Variants in TCF12 observed in about 807,000 individuals in gnomAD.
TCF12 encodes the protein DNA-binding protein HTF4.
Under a neutral mutation model 86.0 loss-of-function variants are expected in TCF12, and 45 were observed. The observed-to-expected ratio is 0.52, with a 90% confidence interval of 0.41 to 0.67. The LOEUF is 0.67. Ranked by LOEUF, TCF12 falls within the 30% of genes least tolerant of loss-of-function variation. The pLI is 0.00. For missense variants in TCF12, 881 were observed against 859.9 expected, an observed-to-expected ratio of 1.02 and a Z score of -0.31; for synonymous variants, 330 against 299.6, an observed-to-expected ratio of 1.10 and a Z score of -1.05.
At chr15:56,972,912 C>T (rs1267397636) in intron 3 of TCF12, among the ~76,000 whole-genome samples, 1 of 152,076 alleles carries the variant, frequency 6.6e-6, no homozygotes, top group Non-Finnish European at 1.5e-5. Flanking sequence ...GGACTGAAGA[C>T]AAAAGTAACT....
chr15:57,266,200 C>G (rs1230587347), intron 18 of TCF12, among the ~76,000 whole-genome samples: 1 of 151,956 alleles, frequency 6.6e-6, no homozygotes, highest in Admixed American at 6.6e-5. Context: ...GCCTCAGCCT[C>G]CCAAGTAGCT....
intron 3 of TCF12, among the ~76,000 whole-genome samples, chr15:57,052,087 T>C (rs551307050): frequency 6.6e-6 from 1 of 152,356 alleles, no homozygotes; most frequent in South Asian, 2.1e-4. Context: ...AGACGTTAAT[T>C]ATGAGAGTTC....
At chr15:57,222,824 A>G (rs1030821693) in intron 8 of TCF12, among the ~76,000 whole-genome samples, 1 of 68,994 alleles carries the variant, frequency 1.4e-5, no homozygotes, top group Non-Finnish European at 2.6e-5. Flanking sequence ...GCCTTACTCC[A>G]TTTTTCTGAC....
chr15:57,188,887 C>T (rs1326197246), intron 6 of TCF12, among the ~76,000 whole-genome samples: 6 of 152,200 alleles, frequency 3.9e-5, no homozygotes, highest in South Asian at 4.1e-4. Flanking sequence ...TCCCAGGCGC[C>T]AGCGATCTTC....
chr15:56,922,311 G>A (rs1168087124), intron 3 of TCF12, among the ~76,000 whole-genome samples: 8 of 152,036 alleles, frequency 5.3e-5, no homozygotes, highest in Non-Finnish European at 1.0e-4. Context: ...TGATATTACT[G>A]TTGCCTACTG....
chr15:57,207,921 TCC>T (rs1277286565), intron 8 of TCF12, among the ~76,000 whole-genome samples: 2 of 152,058 alleles, frequency 1.3e-5, no homozygotes, highest in Non-Finnish European at 2.9e-5. Context: ...AGAATATGAA[TCC>T]CTTCTGTCAA....
intron 11 of TCF12, among the ~76,000 whole-genome samples, chr15:57,233,446 A>G (rs2059250888): frequency 6.6e-6 from 1 of 151,950 alleles, no homozygotes; most frequent in African/African-American, 2.4e-5. Flanking sequence ...CCAAAATGCT[A>G]GCATTATAGA....
At chr15:57,107,616 T>G (rs1429412156) in intron 5 of TCF12, among the ~76,000 whole-genome samples, 1 of 152,128 alleles carries the variant, frequency 6.6e-6, no homozygotes, top group Non-Finnish European at 1.5e-5. Flanking sequence ...CCAGGCATGG[T>G]GGCTCACACC....
chr15:57,019,821 C>G (rs562200561), intron 3 of TCF12, among the ~76,000 whole-genome samples: 11 of 152,114 alleles, frequency 7.2e-5, no homozygotes, highest in Non-Finnish European at 1.3e-4. Flanking sequence ...ACTATAGAAA[C>G]TATGCCTACA....
intron 3 of TCF12, among the ~76,000 whole-genome samples, chr15:56,931,222 G>C (rs1192845685): frequency 6.6e-6 from 1 of 152,034 alleles, no homozygotes; most frequent in Non-Finnish European, 1.5e-5. Context: ...TGGAATATAA[G>C]CTTTTCAGGC....
At chr15:57,201,506 G>A (rs2057541793) in intron 8 of TCF12, among the ~76,000 whole-genome samples, 1 of 151,972 alleles carries the variant, frequency 6.6e-6, no homozygotes. Flanking sequence ...TAAAAGTACA[G>A]CATTACTAGA....
intron 4 of TCF12, among the ~76,000 whole-genome samples, chr15:57,089,811 CT>C (rs2151106127): frequency 6.6e-6 from 1 of 152,168 alleles, no homozygotes; most frequent in Non-Finnish European, 1.5e-5. Flanking sequence ...GTTTTGATGC[CT>C]TCCTTTGACT....
At chr15:57,040,110 C>T (rs1189834600) in intron 3 of TCF12, among the ~76,000 whole-genome samples, 1 of 152,086 alleles carries the variant, frequency 6.6e-6, no homozygotes, top group Non-Finnish European at 1.5e-5. Context: ...AACTCCTCTT[C>T]AGGATTTTTA....
intron 12 of TCF12, among the ~76,000 whole-genome samples, chr15:57,235,354 G>C (rs1478085315): frequency 6.6e-6 from 1 of 152,174 alleles, no homozygotes. Context: ...GGTTTAAAAG[G>C]TGAAGTAACT....
intron 10 of TCF12, 49 bp downstream of exon 10, chr15:57,232,479 G>T: frequency 6.5e-7 from 1 of 1,536,658 alleles, no homozygotes; most frequent in Non-Finnish European, 8.7e-7. Context: ...GTCCTCACTT[G>T]TGTTTCTTTT....
chr15:57,089,509 G>C (rs146127647), intron 4 of TCF12, among the ~76,000 whole-genome samples: 1 of 151,492 alleles, frequency 6.6e-6, no homozygotes, highest in African/African-American at 2.4e-5. Context: ...TTAATAAATT[G>C]TGTGTAGTCA....
intron 12 of TCF12, among the ~76,000 whole-genome samples, chr15:57,241,659 T>C (rs1354643207): frequency 6.6e-6 from 1 of 152,160 alleles, no homozygotes; most frequent in Admixed American, 6.5e-5. Context: ...GAAGGTAGAC[T>C]TTGGGCTGCT....
intron 5 of TCF12, among the ~76,000 whole-genome samples, chr15:57,105,338 G>T (rs2050068881): frequency 6.6e-6 from 1 of 152,164 alleles, no homozygotes; most frequent in South Asian, 2.1e-4. Context: ...CAGCTCCCTG[G>T]TGAGGGAACA....
At chr15:57,227,538 T>C (rs373931862) in intron 8 of TCF12, among the ~76,000 whole-genome samples, 3 of 152,278 alleles carry the variant, frequency 2.0e-5, no homozygotes. Flanking sequence ...AAGTATACTA[T>C]CCCTTTTTAA....
Sources: gnomAD v4.1 joint callset for allele counts (sites outside exome capture counted in the v4.1 genomes callset) on GRCh38, gnomAD v4.1.1 for gene constraint, MANE v1.5 for transcripts, NCBI Gene and HGNC (gene_info 2026-07-23, HGNC 2026-07-21) for gene names.